Variants in RNF180 observed in about 807,000 individuals in gnomAD.
RNF180 encodes ring finger protein 180, also known as E3 ubiquitin-protein ligase RNF180.
Under a neutral mutation model 59.2 loss-of-function variants are expected in RNF180, and 38 were observed. The ratio of observed to expected loss-of-function variants is 0.64; its 90% CI spans 0.50 to 0.84. The LOEUF (loss-of-function observed/expected upper bound fraction) is 0.84, where lower values mean the gene tolerates loss of function less well. Among genes scored for constraint, RNF180 ranks in the 40% least tolerant of loss-of-function variants. RNF180 has a pLI of 0.00. For missense variants in RNF180, 705 were observed against 700.9 expected, an observed-to-expected ratio of 1.01 and a Z score of -0.07; for synonymous variants, 262 against 240.3, an observed-to-expected ratio of 1.09 and a Z score of -0.84.
At chr5:64,263,712 AATTT>A (rs1325207219) in intron 5 of RNF180, among the ~76,000 whole-genome samples, 1 of 152,082 alleles carries the variant, frequency 6.6e-6, no homozygotes, top group Admixed American at 6.6e-5. Context: ...TGGTTTTTTT[AATTT>A]ATTATTTGAT....
At chr5:64,199,850 A>G (rs758480453) in intron 1 of RNF180, among the ~76,000 whole-genome samples, 8 of 152,210 alleles carry the variant, frequency 5.3e-5, no homozygotes, top group Non-Finnish European at 1.2e-4. Flanking sequence ...TAAAGTATTG[A>G]CATAAAATCT....
At chr5:64,312,125 C>T (rs146812114) in intron 5 of RNF180, among the ~76,000 whole-genome samples, 6 of 152,146 alleles carry the variant, frequency 3.9e-5, no homozygotes, top group Non-Finnish European at 7.4e-5. Context: ...CTTTAGGCTA[C>T]TGAGTAAGTT....
intron 1 of RNF180, among the ~76,000 whole-genome samples, chr5:64,189,455 C>G (rs932053209): frequency 6.6e-6 from 1 of 151,942 alleles, no homozygotes; most frequent in African/African-American, 2.4e-5. Flanking sequence ...AGAAGGTAGT[C>G]CTTGTTATAA....
intron 1 of RNF180, among the ~76,000 whole-genome samples, chr5:64,192,916 TATATATATATATATATATATATAA>T (rs1168897236): frequency 1.1e-5 from 1 of 92,850 alleles, no homozygotes; most frequent in Non-Finnish European, 2.0e-5. Flanking sequence ...TATATATATA[TATATATATATATATATATATATAA>T]AATGAAACAT....
At chr5:64,169,104 G>C (rs968518494) in intron 1 of RNF180, among the ~76,000 whole-genome samples, 2 of 152,162 alleles carry the variant, frequency 1.3e-5, no homozygotes, top group Admixed American at 1.3e-4. Flanking sequence ...CCTGTTTTCA[G>C]GAAAAACTAG....
At chr5:64,300,834 C>T (rs1297884630) in intron 5 of RNF180, among the ~76,000 whole-genome samples, 2 of 151,812 alleles carry the variant, frequency 1.3e-5, no homozygotes, top group African/African-American at 4.8e-5. Flanking sequence ...GTATTACTAA[C>T]TCTTTTCCTT....
intron 5 of RNF180, among the ~76,000 whole-genome samples, chr5:64,257,836 CAG>C (rs1339903734): frequency 6.6e-6 from 1 of 152,086 alleles, no homozygotes; most frequent in Non-Finnish European, 1.5e-5. Flanking sequence ...ATCAACGAGA[CAG>C]AAAGTTAACA....
intron 5 of RNF180, among the ~76,000 whole-genome samples, chr5:64,298,221 A>T (rs1742985293): frequency 6.6e-6 from 1 of 152,060 alleles, no homozygotes; most frequent in African/African-American, 2.4e-5. Context: ...GCTGCATAGT[A>T]TTCCATGGTG....
chr5:64,215,092 A>G (rs1752545418), intron 4 of RNF180, among the ~76,000 whole-genome samples: 1 of 152,130 alleles, frequency 6.6e-6, no homozygotes, highest in Admixed American at 6.5e-5. Context: ...ATGCTTCTCT[A>G]TGATTTGATC....
At chr5:64,228,768 C>T (rs556145625) in intron 5 of RNF180, among the ~76,000 whole-genome samples, 1 of 151,860 alleles carries the variant, frequency 6.6e-6, no homozygotes, top group African/African-American at 2.4e-5. Flanking sequence ...CTTTGTTCTC[C>T]TTGTAAAGCC....
intron 1 of RNF180, among the ~76,000 whole-genome samples, chr5:64,185,119 C>A (rs924740058): frequency 6.6e-6 from 1 of 152,182 alleles, no homozygotes; most frequent in Non-Finnish European, 1.5e-5. Context: ...CTCATAGACT[C>A]TACATCCAAT....
At chr5:64,363,599 A>T (rs145741902) in intron 7 of RNF180, among the ~76,000 whole-genome samples, 22 of 151,796 alleles carry the variant, frequency 1.4e-4, no homozygotes, top group Non-Finnish European at 3.2e-4. Context: ...TGAACTTTAA[A>T]GTAGTTTTCT....
rs138634721 is a variant in RNF180 at position 64,171,066 on chromosome 5, C to A, written c.-1+5113C>A. On this transcript the variant is annotated intron_variant, in intron 1 of 7. Transcript: ENST00000389100. ...ATAGTCAACGATATAGAGTAACAAG[C>A]AGTAATTTCATAAGAAGTTAACTTG... Among the ~76,000 whole-genome samples, 291 of 152,274 alleles carry A rather than the reference C, an allele frequency of 1.9e-3. 1 individual carries two copies. The highest frequency in any genetic ancestry group is 3.3e-3 in the Admixed American group (51 of 15,290).
At position 64,246,746 on chromosome 5, in the gene RNF180, C is replaced by T. The variant is rs181379565; in HGVS notation, c.1227+29350C>T. 2.3e-3 allele frequency among the ~76,000 whole-genome samples: 348 copies of T among 152,302 alleles called. 1 individual carries two copies. The highest frequency in any genetic ancestry group is 3.6e-3 in the Non-Finnish European group (247 of 68,030). On this transcript the variant is annotated intron_variant, in intron 5 of 7. Transcript: ENST00000389100. ...AAACAATAGAAAAAGAGGGATTCCT[C>T]CCAAACTCATTTTATGGGGCCAGCA...
At chr5:64,223,616 A>G (rs772558774) in intron 5 of RNF180, among the ~76,000 whole-genome samples, 1 of 152,182 alleles carries the variant, frequency 6.6e-6, no homozygotes, top group Non-Finnish European at 1.5e-5. Context: ...CTGTGTCCCA[A>G]AGTTTGTGCC....
At chr5:64,359,188 T>C (rs1466076195) in intron 7 of RNF180, among the ~76,000 whole-genome samples, 2 of 151,554 alleles carry the variant, frequency 1.3e-5, no homozygotes, top group East Asian at 2.0e-4. Flanking sequence ...TTTCCAGTTC[T>C]GGATCCCTGA....
At chr5:64,303,739 A>G (rs1223629602) in intron 5 of RNF180, among the ~76,000 whole-genome samples, 1 of 151,650 alleles carries the variant, frequency 6.6e-6, no homozygotes, top group Non-Finnish European at 1.5e-5. Flanking sequence ...TGCAAGGGGA[A>G]GCAGTAAGTA....
At chr5:64,197,602 C>T (rs563473697) in intron 1 of RNF180, among the ~76,000 whole-genome samples, 2 of 152,044 alleles carry the variant, frequency 1.3e-5, no homozygotes, top group Admixed American at 6.6e-5. Flanking sequence ...TGTATTAAAT[C>T]TTTTCTTTTA....
At chr5:64,286,011 A>AC (rs546717114) in intron 5 of RNF180, among the ~76,000 whole-genome samples, 33 of 151,506 alleles carry the variant, frequency 2.2e-4, no homozygotes, top group South Asian at 1.7e-3. Context: ...CACCTGCTCA[A>AC]CCCCCCCTTC....
Sources: gnomAD v4.1 joint callset for allele counts (sites outside exome capture counted in the v4.1 genomes callset) on GRCh38, gnomAD v4.1.1 for gene constraint, MANE v1.5 for transcripts, NCBI Gene and HGNC (gene_info 2026-07-23, HGNC 2026-07-21) for gene names.